ASAH1: variants seen among roughly 807,000 people sequenced by gnomAD.
ASAH1 encodes N-acylsphingosine amidohydrolase 1, also known as acid ceramidase.
ASAH1 carries 70 observed loss-of-function variants against 59.5 expected under a neutral mutation model. The ratio of observed to expected loss-of-function variants is 1.18; its 90% CI spans 0.97 to 1.43. The LOEUF is 1.43. ASAH1 is among the 40% of genes most tolerant of loss of function. The pLI is 0.00. For synonymous variants in ASAH1, 213 were observed against 166.5 expected (o/e 1.28, Z -2.15); for missense variants, 660 against 482.5 (o/e 1.37, Z -3.45).
At chr8:18,064,083 T>G in intron 6 of ASAH1, 1 of 363,188 alleles carries the variant, frequency 2.8e-6, no homozygotes, top group Admixed American at 4.3e-5. Context: ...GGAGAATGTG[T>G]GTTCTGGGCC....
At chr8:18,071,466 T>C (rs1261573008) in intron 2 of ASAH1, 76 bp from the exon 3 acceptor site, 2 of 983,246 alleles carry the variant, frequency 2.0e-6, no homozygotes, top group East Asian at 2.7e-5. Context: ...TCTATAAGAA[T>C]ATATGAGAGG....
chr8:18,057,197 C>A lies in ASAH1; in HGVS notation c.*337G>T. ...CACACAGACGTGCTGGATTCAACAC[C>A]CACGCTGAATCTCCATTTATTCCAC... On this transcript the variant is annotated 3_prime_UTR_variant, in exon 14 of 14. Coordinates refer to ENST00000637790, the MANE Select transcript of ASAH1 (RefSeq NM_177924.5). 1 of 298,506 alleles carries A rather than the reference C, an allele frequency of 3.4e-6. No homozygotes were observed. The highest frequency in any genetic ancestry group is 3.1e-5 in the South Asian group (1 of 32,412). The allele number at this position is 298,506 out of a possible 1,614,324, so 18.5% of individuals were successfully genotyped here.
intron 12 of ASAH1, 60 bp from the exon 13 acceptor site, chr8:18,058,951 C>T: frequency 2.1e-6 from 3 of 1,446,892 alleles, no homozygotes; most frequent in Non-Finnish European, 2.9e-6. Context: ...ACAGCCTTAT[C>T]TACACACATG....
At chr8:18,073,961 T>C (rs1388812338) in intron 2 of ASAH1, among the ~76,000 whole-genome samples, 2 of 152,194 alleles carry the variant, frequency 1.3e-5, no homozygotes, top group Non-Finnish European at 2.9e-5. Context: ...TTGGAGTACA[T>C]ATGTATGTAT....
chr8:18,062,799 GAC>G (rs1394807041), intron 7 of ASAH1: 10 of 368,334 alleles, frequency 2.7e-5, no homozygotes, highest in South Asian at 5.2e-5. Context: ...TTTTGGGTGT[GAC>G]TTGGGACTTA....
At chr8:18,067,138 G>GCTGTATATCTAAGACATACAGCACCTGTT in intron 5 of ASAH1, 82 bp downstream of exon 5, 10 of 1,112,838 alleles carry the variant, frequency 9.0e-6, no homozygotes, top group Admixed American at 2.4e-5. Flanking sequence ...CAGCACCTGT[G>GCTGTATATCTAAGACATACAGCACCTGTT]CTGTATGTAT....
chr8:18,067,117 TCTAAGACATACAGCACCTG>T, intron 5 of ASAH1, 84 bp downstream of exon 5: 1 of 534,340 alleles, frequency 1.9e-6, no homozygotes, highest in Non-Finnish European at 2.6e-6. Context: ...GTGCTGTATA[TCTAAGACATACAGCACCTG>T]TGCTGTATGT....
At chr8:18,074,273 C>G (rs73583804) in intron 2 of ASAH1, among the ~76,000 whole-genome samples, 3,635 of 151,570 alleles carry the variant, frequency 0.024, 135 homozygotes, top group African/African-American at 0.077. Context: ...AGACAGCAGG[C>G]CATTGAAGAA....
At chr8:18,079,333 G>C (rs2106041) in intron 1 of ASAH1, among the ~76,000 whole-genome samples, 3 of 148,616 alleles carry the variant, frequency 2.0e-5, no homozygotes, top group Admixed American at 6.7e-5. Flanking sequence ...GTTTGGGTCA[G>C]AAAATTCTCT....
chr8:18,079,159 G>C (rs1800538514), intron 1 of ASAH1, among the ~76,000 whole-genome samples: 2 of 151,848 alleles, frequency 1.3e-5, no homozygotes, highest in African/African-American at 4.8e-5. Flanking sequence ...TGTAATCCTA[G>C]GTACTCGGAA....
At chr8:18,078,279 T>C (rs1800496096) in intron 1 of ASAH1, among the ~76,000 whole-genome samples, 1 of 152,184 alleles carries the variant, frequency 6.6e-6, no homozygotes, top group Non-Finnish European at 1.5e-5. Flanking sequence ...TTGAAAATGC[T>C]CTGTCTAGTA....
chr8:18,077,345 G>A (rs1335302235), intron 1 of ASAH1, among the ~76,000 whole-genome samples: 1 of 152,098 alleles, frequency 6.6e-6, no homozygotes, highest in African/African-American at 2.4e-5. Context: ...GCTCAACTCC[G>A]CCTTTTTCTA....
Position 18,067,100 on chromosome 8 carries a change from T to TGCACCTGTGCTGTATATCTAAGACATACA in ASAH1, c.382+91_382+119dup, listed in dbSNP as rs55646030. On this transcript the variant is annotated intron_variant, in intron 5 of 13. Transcript: ENST00000637790. ...CACTGAGCTGTATATCTAAGACCTG[T>TGCACCTGTGCTGTATATCTAAGACATACA]GCACCTGTGCTGTATATCTAAGACA... The TGCACCTGTGCTGTATATCTAAGACATACA allele has an allele frequency of 0.55, 286,755 of 523,868 alleles. 73,603 individuals carry two copies. The highest frequency in any genetic ancestry group is 0.64 in the Non-Finnish European group (199,506 of 312,238). The allele number at this position is 523,868 out of a possible 1,614,324, so 32.5% of individuals were successfully genotyped here. A position where few individuals can be genotyped will look rare whatever the true frequency, so the allele number is the denominator to read the frequency against.
intron 6 of ASAH1, 73 bp from the exon 7 acceptor site, chr8:18,063,303 G>C (rs1056726094): frequency 4.8e-5 from 65 of 1,355,378 alleles, no homozygotes; most frequent in Non-Finnish European, 6.4e-5. Flanking sequence ...AATTAATTTT[G>C]ATTAATTAAT....
At chr8:18,071,422 T>C (rs751474757) in intron 2 of ASAH1, 32 bp from the exon 3 acceptor site, 46 of 1,391,908 alleles carry the variant, frequency 3.3e-5, no homozygotes, top group Non-Finnish European at 4.4e-5. Flanking sequence ...CTTGAAATGA[T>C]GAAAGGGTTT....
chr8:18,067,136 G>GTGCTGTATATCTAAGACCTGTGCACTT (rs144918941), intron 5 of ASAH1, 84 bp downstream of exon 5: 5 of 1,278,604 alleles, frequency 3.9e-6, no homozygotes, highest in Non-Finnish European at 5.5e-6. Flanking sequence ...TACAGCACCT[G>GTGCTGTATATCTAAGACCTGTGCACTT]TGCTGTATGT....
intron 1 of ASAH1, chr8:18,082,560 C>G (rs1404389428): frequency 6.6e-6 from 1 of 152,202 alleles, no homozygotes; most frequent in African/African-American, 2.4e-5. Context: ...ATCCCCTTCT[C>G]GTGCTAAACA....
intron 1 of ASAH1, chr8:18,082,984 T>C (rs1800719758): frequency 6.6e-6 from 1 of 152,222 alleles, no homozygotes. Context: ...TATATACTAT[T>C]CTGGATTCTA....
At chr8:18,066,391 C>T (rs780966402) in intron 5 of ASAH1, 1 of 139,944 alleles carries the variant, frequency 7.1e-6, no homozygotes, top group Non-Finnish European at 1.5e-5. Context: ...AAGACCTTCA[C>T]AAGCCCTTCT....
Sources: gnomAD v4.1 joint callset for allele counts (sites outside exome capture counted in the v4.1 genomes callset) on GRCh38, gnomAD v4.1.1 for gene constraint, MANE v1.5 for transcripts, NCBI Gene and HGNC (gene_info 2026-07-23, HGNC 2026-07-21) for gene names.